NCAM2: variants seen among roughly 807,000 people sequenced by gnomAD.
NCAM2 encodes neural cell adhesion molecule 2, also known as N-CAM-2.
A neutral mutation model predicts 98.1 loss-of-function variants in NCAM2; 30 were observed. The observed-to-expected ratio is 0.31, with a 90% CI of 0.23 to 0.41. The LOEUF (loss-of-function observed/expected upper bound fraction) is 0.41, where lower values mean the gene tolerates loss of function less well. Among genes scored for constraint, NCAM2 ranks in the 10% least tolerant of loss-of-function variants. The pLI is 1.00. For missense variants in NCAM2, 867 were observed against 1,005.8 expected (o/e 0.86, Z 1.87); for synonymous variants, 368 against 342.4 (o/e 1.07, Z -0.83).
At chr21:21,454,681 T>C (rs1480425160) in intron 12 of NCAM2, among the ~76,000 whole-genome samples, 1 of 151,968 alleles carries the variant, frequency 6.6e-6, no homozygotes, top group African/African-American at 2.4e-5. Flanking sequence ...TGATCCTAGG[T>C]TAAAAAACAT....
chr21:21,205,921 A>C (rs1231758204), intron 1 of NCAM2, among the ~76,000 whole-genome samples: 1 of 152,284 alleles, frequency 6.6e-6, no homozygotes, highest in East Asian at 1.9e-4. Flanking sequence ...TTCTAATCCC[A>C]TTCATGAAAG....
rs116050581 is a variant in NCAM2, at chr21:21,435,696, C to T, written c.1654+3415C>T. ...AATTACAGCACTACAGAAACATGCC[C>T]GCTACATGTTTCCATACAGTTTCTT... is the stretch of plus-strand genomic sequence containing the variant. On this transcript the variant is annotated intron_variant, in intron 12 of 17. Transcript: ENST00000400546. 2.9e-3 allele frequency among the ~76,000 whole-genome samples: 436 copies of T among 152,172 alleles called. 1 individual carries two copies. The highest frequency in any genetic ancestry group is 0.01 in the African/African-American group (420 of 41,524).
In NCAM2 at chr21:21,223,144, T is replaced by G. The variant is rs144436172; in HGVS notation, c.56-57434T>G. Among the ~76,000 whole-genome samples, 280 of 152,298 alleles carry G rather than the reference T, an allele frequency of 1.8e-3. 2 individuals are homozygous for G. The highest frequency in any genetic ancestry group is 6.2e-3 in the African/African-American group (256 of 41,568). On this transcript the variant is annotated intron_variant, in intron 1 of 17. Coordinates refer to ENST00000400546, the MANE Select transcript of NCAM2 (RefSeq NM_004540.5). ...TTTAGCACTCTTAGTCCTCTTACTA[T>G]TTACTAAACTGCCTTGATTAAATGT... is the stretch of plus-strand genomic sequence containing the variant.
intron 1 of NCAM2, among the ~76,000 whole-genome samples, chr21:21,246,373 T>G (rs1007268231): frequency 8.5e-5 from 13 of 152,298 alleles, no homozygotes; most frequent in South Asian, 6.2e-4. Flanking sequence ...TGATTATTTT[T>G]GGGGTAATTT....
At chr21:21,414,635 AT>A (rs761745026) in intron 10 of NCAM2, among the ~76,000 whole-genome samples, 127 of 151,626 alleles carry the variant, frequency 8.4e-4, no homozygotes, top group Non-Finnish European at 1.7e-3. Flanking sequence ...ACGCCCGGCT[AT>A]TTTTTTGTAT....
intron 17 of NCAM2, among the ~76,000 whole-genome samples, 170 bp downstream of exon 17, chr21:21,534,826 A>G (rs1465397768): frequency 1.3e-5 from 2 of 152,148 alleles, no homozygotes; most frequent in Admixed American, 1.3e-4. Context: ...CTAAGGAGAC[A>G]TTTTTCATGA....
intron 1 of NCAM2, among the ~76,000 whole-genome samples, chr21:21,149,747 T>C (rs2067391919): frequency 6.6e-6 from 1 of 152,158 alleles, no homozygotes; most frequent in Admixed American, 6.5e-5. Context: ...CATGATCTCA[T>C]TATTTTTTAT....
Position 21,469,225 on chromosome 21 carries a change from G to T in NCAM2, c.1896+442G>T, listed in dbSNP as rs75833144. The stretch of plus-strand genomic sequence containing the variant: ...ATAATGTTTAACAAAGAATGGCCAC[G>T]GTGAACTTGATGAAGAGGGAATCCT... On this transcript the variant is annotated intron_variant, in intron 14 of 17. Coordinates refer to ENST00000400546, the MANE Select transcript of NCAM2 (RefSeq NM_004540.5). 2.5e-4 allele frequency among the ~76,000 whole-genome samples: 38 copies of T among 151,990 alleles called. 1 individual carries two copies. Among genetic ancestry groups the T allele is most frequent in the Non-Finnish European group, 4.3e-4 (29 of 67,926 alleles).
chr21:21,305,374 T>C (rs2073849737), intron 5 of NCAM2, among the ~76,000 whole-genome samples: 1 of 152,186 alleles, frequency 6.6e-6, no homozygotes, highest in African/African-American at 2.4e-5. Flanking sequence ...AAAGACACTT[T>C]TACTTATTCC....
chr21:21,171,026 G>C (rs959268526), intron 1 of NCAM2, among the ~76,000 whole-genome samples: 1 of 152,114 alleles, frequency 6.6e-6, no homozygotes, highest in African/African-American at 2.4e-5. Context: ...CTTTAAATTT[G>C]ATATTGTAAT....
At chr21:21,114,265 A>T (rs535637182) in intron 1 of NCAM2, among the ~76,000 whole-genome samples, 1 of 152,340 alleles carries the variant, frequency 6.6e-6, no homozygotes, top group Non-Finnish European at 1.5e-5. Flanking sequence ...CAAATCTAAA[A>T]GAAAGATAAA....
chr21:21,021,038 ATT>A (rs1568934632), intron 1 of NCAM2, among the ~76,000 whole-genome samples: 2 of 152,168 alleles, frequency 1.3e-5, no homozygotes, highest in Non-Finnish European at 2.9e-5. Flanking sequence ...CCCACAGAGA[ATT>A]ACAACACAGG....
chr21:21,275,426 C>T (rs945691604), intron 1 of NCAM2, among the ~76,000 whole-genome samples: 1 of 148,888 alleles, frequency 6.7e-6, no homozygotes, highest in Non-Finnish European at 1.5e-5. Flanking sequence ...GGCGACAGAG[C>T]GAGACTCTGT....
chr21:21,266,013 A>G (rs1170867986), intron 1 of NCAM2, among the ~76,000 whole-genome samples: 1 of 152,096 alleles, frequency 6.6e-6, no homozygotes, highest in African/African-American at 2.4e-5. Context: ...TGTTATTTTG[A>G]TTTTGAAGCC....
At chr21:21,279,426 T>C (rs1295453921) in intron 1 of NCAM2, among the ~76,000 whole-genome samples, 1 of 152,180 alleles carries the variant, frequency 6.6e-6, no homozygotes, top group Non-Finnish European at 1.5e-5. Context: ...TCGTGCGATC[T>C]CGGCTCACTG....
intron 1 of NCAM2, among the ~76,000 whole-genome samples, chr21:21,059,710 A>G (rs1057214531): frequency 1.3e-5 from 2 of 152,048 alleles, no homozygotes; most frequent in African/African-American, 2.4e-5. Flanking sequence ...AGTGGTTCTC[A>G]ATGAGGATGT....
intron 1 of NCAM2, among the ~76,000 whole-genome samples, chr21:21,271,549 A>G (rs2072499668): frequency 6.6e-6 from 1 of 152,194 alleles, no homozygotes; most frequent in African/African-American, 2.4e-5. Flanking sequence ...ATGCTTATCA[A>G]GCTATTTCTG....
chr21:21,132,108 C>A (rs1339955918), intron 1 of NCAM2, among the ~76,000 whole-genome samples: 1 of 152,168 alleles, frequency 6.6e-6, no homozygotes, highest in Non-Finnish European at 1.5e-5. Flanking sequence ...TTCCCGCATG[C>A]ATTTGCTCAT....
At chr21:21,013,210 G>A (rs755704473) in intron 1 of NCAM2, among the ~76,000 whole-genome samples, 67 of 152,078 alleles carry the variant, frequency 4.4e-4, no homozygotes, top group Admixed American at 4.3e-3. Context: ...CTCCTGTGCC[G>A]GTTAACCAAA....
Sources: allele counts gnomAD v4.1 joint callset (sites outside exome capture counted in the v4.1 genomes callset), GRCh38; gene constraint gnomAD v4.1.1; transcripts MANE v1.5; gene names NCBI Gene and HGNC (gene_info 2026-07-23, HGNC 2026-07-21).